The following PCDHGB2 variants were observed in gnomAD, a reference collection of about 807,000 sequenced individuals.
PCDHGB2 encodes protocadherin gamma subfamily B, 2.
PCDHGB2 carries 55 observed loss-of-function variants against 59.3 expected under a neutral mutation model. The observed-to-expected ratio is 0.93, with a 90% CI of 0.75 to 1.16. The LOEUF (loss-of-function observed/expected upper bound fraction) is 1.16. Among genes scored for constraint, PCDHGB2 ranks in the 50% most tolerant of loss-of-function variants. PCDHGB2 has a pLI of 0.00. For synonymous variants in PCDHGB2, 516 were observed against 512.0 expected, an observed-to-expected ratio of 1.01 and a Z score of -0.11; for missense variants, 1,228 against 1,198.5, an observed-to-expected ratio of 1.02 and a Z score of -0.36.
Position 141,491,300 on chromosome 5 carries a change from G to T in PCDHGB2, c.2422-3507G>T. On this transcript the variant is annotated intron_variant, in intron 1 of 3. Coordinates refer to ENST00000522605, the MANE Select transcript of PCDHGB2 (RefSeq NM_018923.3). The surrounding 1 kb of genome is among the most constrained non-coding windows in gnomAD (Gnocchi z 6.9). Reference sequence around the variant, plus strand: ...GACTTCCTCATACACCCTCCTGAGCGTTCAGACCTTACCCTTTACCTCATT... The same window carrying T: ...GACTTCCTCATACACCCTCCTGAGCTTTCAGACCTTACCCTTTACCTCATT... The T allele has an allele frequency of 6.2e-7, 1 of 1,614,136 alleles. No homozygotes were observed. The highest frequency in any genetic ancestry group is 8.5e-7 in the Non-Finnish European group (1 of 1,179,962).
chr5:141,371,126 G>A (rs771503088), intron 1 of PCDHGB2: 2 of 1,613,996 alleles, frequency 1.2e-6, no homozygotes, highest in South Asian at 2.2e-5. Context: ...TATTTACTCA[G>A]GACATGTACA....
intron 1 of PCDHGB2, chr5:141,404,805 C>G (rs770534822): frequency 1.3e-5 from 21 of 1,613,960 alleles, no homozygotes; most frequent in Non-Finnish European, 1.8e-5. Context: ...GGGCTCTTCT[C>G]GGTGGGGCTG....
intron 1 of PCDHGB2, chr5:141,375,772 G>C (rs769630296): frequency 2.5e-6 from 4 of 1,614,228 alleles, no homozygotes; most frequent in Admixed American, 3.3e-5. Flanking sequence ...CCGAGATCCT[G>C]TACCCCGCCC....
At chr5:141,499,461 A>G (rs1448103747) in intron 2 of PCDHGB2, among the ~76,000 whole-genome samples, 2 of 152,226 alleles carry the variant, frequency 1.3e-5, no homozygotes. Flanking sequence ...TCATTTTACA[A>G]TCTAGGGAGA....
At chr5:141,364,871 G>A (rs775321480) in intron 1 of PCDHGB2, 2 of 1,614,010 alleles carry the variant, frequency 1.2e-6, no homozygotes, top group Admixed American at 1.7e-5. Flanking sequence ...CTTCTCTCTG[G>A]ATGTGGTAAG....
chr5:141,386,594 C>T (rs573192677), intron 1 of PCDHGB2, among the ~76,000 whole-genome samples: 2 of 151,204 alleles, frequency 1.3e-5, no homozygotes, highest in Non-Finnish European at 2.9e-5. Flanking sequence ...GTGGGGGATA[C>T]ATTTTTTTTT....
At chr5:141,504,429 G>T (rs947508365) in intron 2 of PCDHGB2, among the ~76,000 whole-genome samples, 1 of 152,124 alleles carries the variant, frequency 6.6e-6, no homozygotes, top group Non-Finnish European at 1.5e-5. Context: ...CACTACAACA[G>T]CTGCAGTGTG....
intron 1 of PCDHGB2, chr5:141,430,875 T>A (rs1323872183): frequency 6.3e-7 from 1 of 1,599,400 alleles, no homozygotes; most frequent in Non-Finnish European, 8.5e-7. Context: ...CCGGAAGAGC[T>A]GGAGAAAGGC....
At chr5:141,384,075 T>C in intron 1 of PCDHGB2, 1 of 1,600,788 alleles carries the variant, frequency 6.2e-7, no homozygotes, top group Non-Finnish European at 8.5e-7. Context: ...ACCTACCTTT[T>C]AAATTAGAAA....
Position 141,376,287 on chromosome 5 carries a change from T to C in PCDHGB2, c.2421+13731T>C, listed in dbSNP as rs1160372923. 6.2e-6 allele frequency: 10 copies of C among 1,614,110 alleles called. No individual in the cohort carries two copies. In the Admixed American group the frequency reaches 6.7e-5, roughly 11 times the overall value. On this transcript the variant is annotated intron_variant, in intron 1 of 3. Transcript: ENST00000522605. ...GCTTCGGGAGGTGGCTTAGCGAGCA[T>C]GCCCGGCTCGCACTTTGTGGGCGTG...
At chr5:141,375,794 G>A (rs754100940) in intron 1 of PCDHGB2, 1 of 1,614,170 alleles carries the variant, frequency 6.2e-7, no homozygotes, top group East Asian at 2.2e-5. Context: ...CCCCACAGAC[G>A]GTTCCACTGG....
intron 1 of PCDHGB2, chr5:141,398,966 C>T: frequency 6.2e-7 from 1 of 1,613,962 alleles, no homozygotes; most frequent in Non-Finnish European, 8.5e-7. Flanking sequence ...ATTACTTATT[C>T]CTTCTACAGA....
In PCDHGB2 at chr5:141,476,299, C is replaced by G; in HGVS notation, c.2422-18508C>G. On this transcript the variant is annotated intron_variant, in intron 1 of 3. Transcript: ENST00000522605. This position sits in a 1 kb window ranked among gnomAD's most constrained non-coding sequence, Gnocchi z 7.6. The stretch of plus-strand genomic sequence containing the variant: ...ACCTTGGTTTGGATCTCGGTAGCCT[C>G]TCAGCCCGCAGGTTCCGGGTGGTGT... The G allele has an allele frequency of 6.2e-7, 1 of 1,614,100 alleles. No individual in the cohort carries two copies. The highest frequency in any genetic ancestry group is 8.5e-7 in the Non-Finnish European group (1 of 1,180,014).
chr5:141,466,754 C>G (rs1045917268), intron 1 of PCDHGB2, among the ~76,000 whole-genome samples: 2 of 152,138 alleles, frequency 1.3e-5, no homozygotes, highest in South Asian at 2.1e-4. Context: ...GATAGGGGCT[C>G]TTTTCAAACT....
intron 1 of PCDHGB2, chr5:141,419,088 T>G (rs2096325159): frequency 1.2e-6 from 2 of 1,613,940 alleles, no homozygotes; most frequent in Non-Finnish European, 1.7e-6. Flanking sequence ...GATGAGGCCC[T>G]GGATCGGGAG....
chr5:141,402,915 C>G (rs1232523303), intron 1 of PCDHGB2: 2 of 1,564,688 alleles, frequency 1.3e-6, no homozygotes, highest in Admixed American at 1.9e-5. Flanking sequence ...GCAGCGCGCA[C>G]AGAGATCCTT....
chr5:141,365,784 C>T, intron 1 of PCDHGB2: 2 of 1,613,912 alleles, frequency 1.2e-6, no homozygotes, highest in Non-Finnish European at 1.7e-6. Context: ...GGCGACAACG[C>T]TCGAGTCACC....
Position 141,511,375 on chromosome 5 carries a change from A to G in PCDHGB2, c.*202A>G. 2 of 1,236,730 alleles carry G rather than the reference A, an allele frequency of 1.6e-6. No individual in the cohort carries two copies. The highest frequency in any genetic ancestry group is 2.2e-6 in the Non-Finnish European group (2 of 912,840). 76.6% of individuals were successfully genotyped at this position (1,236,730 alleles called of 1,614,324 possible). A position where few individuals can be genotyped will look rare whatever the true frequency, so the allele number is the denominator to read the frequency against. On this transcript the variant is annotated 3_prime_UTR_variant, in exon 4 of 4. Coordinates refer to ENST00000522605, the MANE Select transcript of PCDHGB2 (RefSeq NM_018923.3). ...CCCAGGGGGTTGAATATGCAAAAGCAGTTCCGCTGGGAACCCCCATCCAAT... is the reference window on the plus strand; with the variant it reads ...CCCAGGGGGTTGAATATGCAAAAGCGGTTCCGCTGGGAACCCCCATCCAAT...
chr5:141,466,518 T>C (rs1430823209), intron 1 of PCDHGB2, among the ~76,000 whole-genome samples: 2 of 152,222 alleles, frequency 1.3e-5, no homozygotes, highest in Admixed American at 6.5e-5. Flanking sequence ...TCATTTTTTT[T>C]CCTCCCAAAT....
Sources: gnomAD v4.1 joint callset for allele counts (sites outside exome capture counted in the v4.1 genomes callset) on GRCh38, gnomAD v4.1.1 for gene constraint, Gnocchi (gnomAD v3.1) non-coding constraint, MANE v1.5 for transcripts, NCBI Gene and HGNC (gene_info 2026-07-23, HGNC 2026-07-21) for gene names.